The following DLEC1 variants were observed in gnomAD, a reference collection of about 807,000 sequenced individuals.
The protein encoded by DLEC1 is DLEC1 cilia and flagella associated protein.
Under a neutral mutation model 198.1 loss-of-function variants are expected in DLEC1, and 146 were observed. The observed-to-expected ratio is 0.74, with a 90% CI of 0.64 to 0.85. The LOEUF (loss-of-function observed/expected upper bound fraction) is 0.85. Ranked by LOEUF, DLEC1 falls within the 40% of genes least tolerant of loss-of-function variation. DLEC1 has a pLI of 0.00. For missense variants in DLEC1, 2,233 were observed against 2,220.0 expected (o/e 1.01, Z -0.12); for synonymous variants, 897 against 866.8 (o/e 1.03, Z -0.61).
chr3:38,086,191 A>G (rs768576064), intron 8 of DLEC1, 50 bp from the exon 9 acceptor site: 10 of 1,571,194 alleles, frequency 6.4e-6, no homozygotes, highest in Admixed American at 1.8e-5. Flanking sequence ...AGTAGGGCCT[A>G]TTAAGAGTGA....
Position 38,092,778 on chromosome 3 carries a change from T to C in DLEC1, c.1666-12T>C, listed in dbSNP as rs746596204. ...TAATGGGAGGTAACGGAACAACCCT[T>C]CTCTCCCCCAGGTCTTGTTTTCCCC... On this transcript the variant is annotated splice_polypyrimidine_tract_variant and intron_variant, in intron 10 of 36. Coordinates refer to ENST00000308059, the MANE Select transcript of DLEC1 (RefSeq NM_007335.4). 6 of 1,613,622 alleles carry C rather than the reference T, an allele frequency of 3.7e-6. No homozygotes were observed. The highest frequency in any genetic ancestry group is 5.1e-6 in the Non-Finnish European group (6 of 1,179,742).
intron 13 of DLEC1, 112 bp from the exon 14 acceptor site, chr3:38,095,776 C>A: frequency 7.2e-7 from 1 of 1,384,316 alleles, no homozygotes; most frequent in South Asian, 1.3e-5. Context: ...TTCAGAAGGT[C>A]CTTCTGATGG....
At chr3:38,090,197 AAAAT>A (rs1575182213) in intron 10 of DLEC1, among the ~76,000 whole-genome samples, 2 of 152,164 alleles carry the variant, frequency 1.3e-5, no homozygotes, top group Non-Finnish European at 2.9e-5. Context: ...CCCTGTCCTA[AAAAT>A]AAATAAATAA....
At chr3:38,087,084 A>C (rs1396395688) in intron 9 of DLEC1, among the ~76,000 whole-genome samples, 3 of 152,076 alleles carry the variant, frequency 2.0e-5, no homozygotes, top group Non-Finnish European at 4.4e-5. Context: ...AAAAAAAAAA[A>C]AAAAATGGAG....
chr3:38,052,759 CCTCT>C (rs55665352), intron 2 of DLEC1, among the ~76,000 whole-genome samples: 61,102 of 151,228 alleles, frequency 0.4, 12,709 homozygotes, highest in East Asian at 0.59. Context: ...GTTTGAAGTC[CCTCT>C]CTCTCCCTCC....
Position 38,100,861 on chromosome 3 carries a change from A to G in DLEC1, c.2864+436A>G, listed in dbSNP as rs149588836. 5.6e-3 allele frequency among the ~76,000 whole-genome samples: 848 copies of G among 152,330 alleles called. 18 individuals are homozygous for G. Among genetic ancestry groups the G allele is most frequent in the African/African-American group, 0.02 (816 of 41,574 alleles). On this transcript the variant is annotated intron_variant, in intron 19 of 36. Coordinates refer to ENST00000308059, the MANE Select transcript of DLEC1 (RefSeq NM_007335.4). Reference sequence around the variant, plus strand: ...TGTCAACAGGAGAATGGACATTTAAAAAGTGTGACATATTTAAATAAGCAC... The same window carrying G: ...TGTCAACAGGAGAATGGACATTTAAGAAGTGTGACATATTTAAATAAGCAC...
chr3:38,086,466 T>C, intron 9 of DLEC1, 89 bp downstream of exon 9: 3 of 1,492,042 alleles, frequency 2.0e-6, no homozygotes, highest in Non-Finnish European at 2.7e-6. Flanking sequence ...ATACCTATGA[T>C]TGGAAACACA....
chr3:38,059,377 A>G (rs1345099037), intron 2 of DLEC1, among the ~76,000 whole-genome samples: 1 of 152,256 alleles, frequency 6.6e-6, no homozygotes, highest in Non-Finnish European at 1.5e-5. Context: ...AGGAGTGAAG[A>G]AGTGCACTGT....
intron 6 of DLEC1, among the ~76,000 whole-genome samples, chr3:38,071,802 T>G (rs939519862): frequency 6.6e-6 from 1 of 152,232 alleles, no homozygotes; most frequent in Non-Finnish European, 1.5e-5. Flanking sequence ...GGAGCCTCTT[T>G]CAGCCTATAT....
In DLEC1 at chr3:38,116,870, G is replaced by A. The variant is rs963196407; in HGVS notation, c.4160G>A (p.Cys1387Tyr). The A allele has an allele frequency of 6.2e-7, 1 of 1,613,538 alleles. No individual in the cohort carries two copies. The highest frequency in any genetic ancestry group is 1.3e-5 in the African/African-American group (1 of 75,040). ...GGGGTGCCCTCCGGCCACCTGTACT[G>A]TATCAGCCCCAAGCAGGTGGTGAGT... The part of the protein sequence containing the change: ...HEGVPSGHLY[C>Y]ISPKQVVVPA... Residue 1387 changes from cysteine (C) to tyrosine (Y), a missense_variant, in exon 29 of 37, where the codon TGT (cysteine) becomes TAT (tyrosine). By Grantham distance (194) the Cys-to-Tyr change is radical. Coordinates refer to ENST00000308059, the MANE Select transcript of DLEC1 (RefSeq NM_007335.4).
intron 10 of DLEC1, among the ~76,000 whole-genome samples, chr3:38,092,201 A>G (rs1351496453): frequency 3.3e-5 from 5 of 152,262 alleles, no homozygotes; most frequent in African/African-American, 9.6e-5. Flanking sequence ...TATGTACACA[A>G]TGGAATAACA....
At chr3:38,117,727 C>CCCACCCCAAACCAAGA in intron 32 of DLEC1, 79 bp from the exon 33 acceptor site, 1 of 1,399,786 alleles carries the variant, frequency 7.1e-7, no homozygotes, top group Non-Finnish European at 1.0e-6. Context: ...CCCCAGCCCT[C>CCCACCCCAAACCAAGA]CCAGCCCTAC....
chr3:38,109,991 A>C, intron 22 of DLEC1, 108 bp from the exon 23 acceptor site: 1 of 1,271,806 alleles, frequency 7.9e-7, no homozygotes, highest in Non-Finnish European at 1.1e-6. Context: ...TCTGAGGATG[A>C]AGCCTGGTGT....
In DLEC1 at chr3:38,084,378, G is replaced by T. The variant is rs112714453; in HGVS notation, c.1261+133G>T. 2.1e-3 allele frequency: 1,369 copies of T among 663,026 alleles called. 69 individuals are homozygous for T. The African/African-American group carries it at 0.023, about 11-fold the overall frequency. 41.1% of individuals were successfully genotyped at this position (663,026 alleles called of 1,614,324 possible). On this transcript the variant is annotated intron_variant, in intron 7 of 36. Coordinates refer to ENST00000308059, the MANE Select transcript of DLEC1 (RefSeq NM_007335.4). ...GGTGGTGGTAGTAGTAGTAGTGATG[G>T]TGGTAGTAGTGGTAGTAGTAGTAGT...
chr3:38,058,412 C>A (rs13314403), intron 2 of DLEC1, among the ~76,000 whole-genome samples: 1 of 152,112 alleles, frequency 6.6e-6, no homozygotes, highest in Non-Finnish European at 1.5e-5. Context: ...GTCCCTACCT[C>A]AGGCCAGCAC....
Position 38,063,854 on chromosome 3 carries a change from C to A in DLEC1, c.1108C>A (p.Pro370Thr). 1 of 1,613,490 alleles carries A rather than the reference C, an allele frequency of 6.2e-7. No homozygotes were observed. The highest frequency in any genetic ancestry group is 8.5e-7 in the Non-Finnish European group (1 of 1,179,626). The change falls in exon 6 of 37, where the codon CCA becomes ACA. Residue 370 changes from proline to threonine, a missense_variant. Physicochemically the swap from Pro to Thr is conservative, Grantham distance 38 (BLOSUM62 -1). Coordinates refer to ENST00000308059, the MANE Select transcript of DLEC1 (RefSeq NM_007335.4). ...TEPEQSCADT[P>T]VFLAKPPIGF... The stretch of plus-strand genomic sequence containing the variant: ...TTCATCCCACAGTTGTGCTGATACT[C>A]CAGTGTTTCTAGCTAAGCCACCAAT...
rs1698277222 is a variant in DLEC1, at chr3:38,084,443, G to GGTAGTA, written c.1261+200_1261+201insAGTAGT. Among the ~76,000 whole-genome samples, 8 of 2,844 alleles carry GGTAGTA rather than the reference G, an allele frequency of 2.8e-3. 1 individual carries two copies. Among genetic ancestry groups the GGTAGTA allele is most frequent in the African/African-American group, 3.7e-3 (5 of 1,356 alleles). The allele number at this position is 2,844 out of a possible 152,430, so 1.9% of individuals were successfully genotyped here. A position where few individuals can be genotyped will look rare whatever the true frequency, so the allele number is the denominator to read the frequency against. Reference sequence around the variant, plus strand: ...TAGTGGTAGTAGTAGTAGTGGTGGTGGTGGTGGTGGTAGTAGTAATAGTAG... The same window carrying GGTAGTA: ...TAGTGGTAGTAGTAGTAGTGGTGGTGGTAGTAGTGGTGGTGGTAGTAGTAATAGTAG... On this transcript the variant is annotated intron_variant, in intron 7 of 36. Transcript: ENST00000308059.
intron 1 of DLEC1, among the ~76,000 whole-genome samples, chr3:38,040,173 G>A (rs903652038): frequency 1.3e-5 from 2 of 152,140 alleles, no homozygotes; most frequent in African/African-American, 4.8e-5. Context: ...TAAACTTGTG[G>A]GCACTCCTCC....
Position 38,063,996 on chromosome 3 carries a change from CTTTT to C in DLEC1, c.1173+84_1173+87del, listed in dbSNP as rs375420632. ...AAAAAGTCTTTATTATGGAAATTTT[CTTTT>C]TTTTTTCTTTTTTTTTTTTTTTTTA... is the stretch of plus-strand genomic sequence containing the variant. On this transcript the variant is annotated intron_variant, in intron 6 of 36. Transcript: ENST00000308059. The C allele has an allele frequency of 2.4e-4, 136 of 562,846 alleles. No homozygotes were observed. The Middle Eastern group carries it at 5.6e-3, about 23-fold the overall frequency. 34.9% of individuals were successfully genotyped at this position (562,846 alleles called of 1,614,324 possible).
Sources: gnomAD v4.1 joint callset for allele counts (sites outside exome capture counted in the v4.1 genomes callset) on GRCh38, gnomAD v4.1.1 for gene constraint, MANE v1.5 for transcripts, NCBI Gene and HGNC (gene_info 2026-07-23, HGNC 2026-07-21) for gene names.